Variants in MYO18B observed in about 807,000 individuals in gnomAD.
The protein encoded by MYO18B is unconventional myosin-XVIIIb.
Under a neutral mutation model 273.0 loss-of-function variants are expected in MYO18B, and 204 were observed. That is an observed-to-expected ratio of 0.75 (90% CI 0.67 to 0.84). The LOEUF (loss-of-function observed/expected upper bound fraction) is 0.84, where lower values mean the gene tolerates loss of function less well. MYO18B is among the 40% of genes least tolerant of loss of function. The pLI is 0.00. For synonymous variants in MYO18B, 1,330 were observed against 1,305.7 expected, an observed-to-expected ratio of 1.02 and a Z score of -0.40; for missense variants, 3,212 against 3,287.6, an observed-to-expected ratio of 0.98 and a Z score of 0.56.
rs767403735 is a variant in MYO18B, at chr22:25,777,702, C to T, written c.1989C>T (p.Gly663=). The change falls in exon 8 of 44, where the codon GGC becomes GGT. Residue 663 remains glycine (G), a synonymous_variant. Coordinates refer to ENST00000335473, the MANE Select transcript of MYO18B (RefSeq NM_032608.7). The stretch of plus-strand genomic sequence containing the variant: ...GCATTGTGGCCCTGGGCTGGAGTGG[C>T]GCTGGGAAGACCACCTGCTGTGAGC... ...DQSIVALGWS[G]AGKTTCCEQV... The T allele has an allele frequency of 2.1e-5, 34 of 1,612,408 alleles. No individual in the cohort carries two copies. The highest frequency in any genetic ancestry group is 2.2e-5 in the East Asian group (1 of 44,822).
chr22:25,856,928 G>A (rs907654567), intron 21 of MYO18B, among the ~76,000 whole-genome samples: 4 of 152,082 alleles, frequency 2.6e-5, no homozygotes, highest in Admixed American at 6.5e-5. Flanking sequence ...TGAAGGAAGC[G>A]AAGTCCATGC....
intron 39 of MYO18B, among the ~76,000 whole-genome samples, chr22:25,980,082 C>G (rs2093134119): frequency 6.6e-6 from 1 of 152,054 alleles, no homozygotes; most frequent in African/African-American, 2.4e-5. Flanking sequence ...TAGGAAACTC[C>G]CAGGTTGTAG....
At chr22:26,058,724 T>G in the MYO18B span, among the ~76,000 whole-genome samples, 7 of 152,230 alleles carry the variant, frequency 4.6e-5, no homozygotes, top group Middle Eastern at 3.4e-3. Context: ...TTTCTTCCTC[T>G]CTCACTGTGG....
chr22:25,761,967 C>CA (rs1461178836), intron 2 of MYO18B, among the ~76,000 whole-genome samples: 1 of 152,122 alleles, frequency 6.6e-6, no homozygotes, highest in Non-Finnish European at 1.5e-5. Context: ...ACTAAAAATA[C>CA]AAAAAATTAA....
rs1267414266 is a variant in MYO18B at position 25,826,496 on chromosome 22, A to G, written c.2783A>G (p.Asn928Ser). Residue 928 changes from asparagine to serine, a missense_variant, in exon 14 of 44, where the codon AAC becomes AGC. Asn to Ser is a conservative substitution (Grantham distance 46). Coordinates refer to ENST00000335473, the MANE Select transcript of MYO18B (RefSeq NM_032608.7). Reference protein sequence around the residue: ...ELFAAVVSLINRSFSSHHLSM... With the variant: ...ELFAAVVSLISRSFSSHHLSM... ...TTTGCGGCTGTGGTCTCACTCATCA[A>G]CAGGTAACGGGGCCTTTTCCTAGGC... 1.9e-6 allele frequency: 3 copies of G among 1,613,338 alleles called. No individual in the cohort carries two copies. Among genetic ancestry groups the G allele is most frequent in the Non-Finnish European group, 2.5e-6 (3 of 1,179,418 alleles).
At chr22:25,910,747 T>C (rs926213016) in intron 32 of MYO18B, among the ~76,000 whole-genome samples, 199 bp from the exon 33 acceptor site, 2 of 152,136 alleles carry the variant, frequency 1.3e-5, no homozygotes, top group Non-Finnish European at 2.9e-5. Flanking sequence ...TGACCAGCCC[T>C]CCCTACTGTT....
At chr22:25,891,193 A>T in intron 26 of MYO18B, 111 bp from the exon 27 acceptor site, 1 of 824,532 alleles carries the variant, frequency 1.2e-6, no homozygotes, top group Non-Finnish European at 2.0e-6. Flanking sequence ...TGCATGGCTC[A>T]GGGCTGTGCA....
chr22:25,746,133 C>G (rs2085771888), intron 1 of MYO18B, among the ~76,000 whole-genome samples: 1 of 152,182 alleles, frequency 6.6e-6, no homozygotes, highest in Admixed American at 6.5e-5. Context: ...TTCACAGAGA[C>G]AGATAAGAAA....
chr22:25,768,991 A>G lies in MYO18B; in HGVS notation c.1075A>G (p.Ser359Gly). The change falls in exon 4 of 44, where the codon AGC (serine) becomes GGC (glycine). Residue 359 changes from serine (S) to glycine (G), a missense_variant. Physicochemically the swap from Ser to Gly is moderately conservative, Grantham distance 56 (BLOSUM62 0). Transcript: ENST00000335473. ...GEPQTQMEKT[S>G]QVQGELGDDL... The stretch of plus-strand genomic sequence containing the variant: ...GCCTCAGACCCAGATGGAGAAGACA[A>G]GCCAAGTGCAGGGCGAGTTGGGGGA... The G allele has an allele frequency of 3.1e-6, 5 of 1,611,238 alleles. No individual in the cohort carries two copies. Among genetic ancestry groups the G allele is most frequent in the Non-Finnish European group, 4.2e-6 (5 of 1,178,670 alleles).
chr22:25,761,195 A>C, intron 2 of MYO18B, 64 bp downstream of exon 2: 1 of 1,575,092 alleles, frequency 6.3e-7, no homozygotes, highest in Non-Finnish European at 8.7e-7. Flanking sequence ...CTCGGGAGAC[A>C]AGTCCGACCT....
intron 34 of MYO18B, among the ~76,000 whole-genome samples, chr22:25,932,107 C>A (rs1307473577): frequency 6.6e-6 from 1 of 152,118 alleles, no homozygotes; most frequent in African/African-American, 2.4e-5. Flanking sequence ...ATGGATGGAA[C>A]TGAGATTTAA....
At chr22:26,038,704 G>T in the MYO18B span, among the ~76,000 whole-genome samples, 1 of 152,146 alleles carries the variant, frequency 6.6e-6, no homozygotes, top group East Asian at 1.9e-4. Context: ...TTCCTATGTG[G>T]TCTAACTGGG....
chr22:26,026,357 G>A lies in MYO18B; in HGVS notation c.6471-88G>A, dbSNP rs1213127501. On this transcript the variant is annotated intron_variant, in intron 42 of 43. Transcript: ENST00000335473. ...GTATTTCCAAAGAAAAATAATATTA[G>A]TGCCTGTGCTTAGGGGCTCTCACAC... 2.8e-6 allele frequency: 4 copies of A among 1,408,984 alleles called. No individual in the cohort carries two copies. The South Asian group carries it at 4.2e-5, about 15-fold the overall frequency. 87.3% of individuals were successfully genotyped at this position (1,408,984 alleles called of 1,614,324 possible). A position where few individuals can be genotyped will look rare whatever the true frequency, so the allele number is the denominator to read the frequency against.
intron 24 of MYO18B, 67 bp from the exon 25 acceptor site, chr22:25,877,892 C>T (rs1456343911): frequency 7.3e-7 from 1 of 1,372,494 alleles, no homozygotes; most frequent in Non-Finnish European, 1.0e-6. Context: ...CGTTTGCTCA[C>T]TCCTAACACA....
chr22:25,997,978 C>CACACACACGAGAGAGAGAGAGA (rs34431605), intron 40 of MYO18B, among the ~76,000 whole-genome samples: 3 of 144,550 alleles, frequency 2.1e-5, no homozygotes, highest in Non-Finnish European at 4.5e-5. Context: ...CACACACACA[C>CACACACACGAGAGAGAGAGAGA]GAGAGAGAGA....
At chr22:26,017,360 C>T (rs1451654317) in intron 42 of MYO18B, among the ~76,000 whole-genome samples, 3 of 151,656 alleles carry the variant, frequency 2.0e-5, no homozygotes, top group African/African-American at 4.8e-5. Flanking sequence ...TCCTTCCTTC[C>T]TCCCTTCCTT....
chr22:25,911,098 T>C (rs1320819402), intron 33 of MYO18B, 48 bp downstream of exon 33: 2 of 1,382,224 alleles, frequency 1.4e-6, no homozygotes, highest in African/African-American at 2.9e-5. Flanking sequence ...CTCAGGGACC[T>C]ATTTGAGAGA....
In MYO18B at chr22:25,769,271, C is replaced by G. The variant is rs376666018; in HGVS notation, c.1355C>G (p.Ala452Gly). 4 of 1,589,300 alleles carry G rather than the reference C, an allele frequency of 2.5e-6. No homozygotes were observed. The African/African-American group carries it at 5.4e-5, about 21-fold the overall frequency. ...GQEAEEPCSR[A>G]GDGAGALETE... ...GAAGCAGAGGAGCCCTGCTCAAGAG[C>G]AGGTGATGGGGCTGGTGCCCTGGAG... The change falls in exon 4 of 44, where the codon GCA (alanine) becomes GGA (glycine). Residue 452 changes from alanine to glycine, a missense_variant. Physicochemically the swap from Ala to Gly is moderately conservative, Grantham distance 60 (BLOSUM62 0). Transcript: ENST00000335473.
intron 34 of MYO18B, among the ~76,000 whole-genome samples, chr22:25,930,314 C>T (rs989167011): frequency 5.3e-5 from 8 of 151,840 alleles, no homozygotes; most frequent in African/African-American, 1.9e-4. Context: ...TTTTTCTAAA[C>T]CCTTAAAGGC....
Sources: allele counts gnomAD v4.1 joint callset (sites outside exome capture counted in the v4.1 genomes callset), GRCh38; gene constraint gnomAD v4.1.1; transcripts MANE v1.5; gene names NCBI Gene and HGNC (gene_info 2026-07-23, HGNC 2026-07-21).